Variants in SOX5 observed in about 807,000 individuals in gnomAD.
The protein encoded by SOX5 is SRY-box transcription factor 5.
SOX5 carries 9 observed loss-of-function variants against 92.0 expected under a neutral mutation model. The observed-to-expected ratio is 0.10, with a 90% confidence interval of 0.06 to 0.17. SOX5 has a LOEUF of 0.17. SOX5 is among the 10% of genes least tolerant of loss of function. The pLI, the probability that SOX5 is intolerant of heterozygous loss-of-function variation, is 1.00. For missense variants in SOX5, 642 were observed against 944.5 expected, an observed-to-expected ratio of 0.68 and a Z score of 4.20; for synonymous variants, 344 against 336.3, an observed-to-expected ratio of 1.02 and a Z score of -0.25.
At chr12:24,418,218 TCTC>T (rs1301855438) in intron 1 of SOX5, among the ~76,000 whole-genome samples, 7 of 152,200 alleles carry the variant, frequency 4.6e-5, no homozygotes, top group Non-Finnish European at 8.8e-5. Flanking sequence ...ATTGTGGTTT[TCTC>T]CTCAATATCC....
chr12:23,673,223 T>A (rs2085084259), intron 6 of SOX5, among the ~76,000 whole-genome samples: 1 of 152,168 alleles, frequency 6.6e-6, no homozygotes, highest in Admixed American at 6.5e-5. Flanking sequence ...TAATTCATTA[T>A]TTAAAATTGG....
chr12:23,633,447 T>C (rs1180964026), intron 8 of SOX5, among the ~76,000 whole-genome samples: 1 of 152,078 alleles, frequency 6.6e-6, no homozygotes, highest in East Asian at 1.9e-4. Flanking sequence ...CTTCGTTTTG[T>C]GTAAATAGTG....
At chr12:24,034,070 A>C (rs1461369156) in intron 4 of SOX5, among the ~76,000 whole-genome samples, 1 of 152,084 alleles carries the variant, frequency 6.6e-6, no homozygotes, top group Middle Eastern at 3.2e-3. Context: ...ACTTTAGAGA[A>C]ACATAACTGT....
chr12:24,187,530 T>C (rs762209923), intron 4 of SOX5, among the ~76,000 whole-genome samples: 1 of 152,238 alleles, frequency 6.6e-6, no homozygotes, highest in Non-Finnish European at 1.5e-5. Flanking sequence ...TTGGGCATTG[T>C]GACTTTTCAT....
At chr12:23,711,173 G>A (rs190315041) in intron 6 of SOX5, among the ~76,000 whole-genome samples, 187 of 151,898 alleles carry the variant, frequency 1.2e-3, no homozygotes, top group East Asian at 2.5e-3. Context: ...TGTTTACATC[G>A]GCAATGTGGC....
chr12:24,237,729 CT>C (rs1238969322), intron 3 of SOX5: 1 of 152,022 alleles, frequency 6.6e-6, no homozygotes, highest in Non-Finnish European at 1.5e-5. Flanking sequence ...TATTTAATTA[CT>C]TATTTCATGT....
At chr12:23,598,085 C>T (rs982292559) in intron 9 of SOX5, among the ~76,000 whole-genome samples, 7 of 152,162 alleles carry the variant, frequency 4.6e-5, no homozygotes, top group Non-Finnish European at 7.3e-5. Flanking sequence ...AGAAATACTA[C>T]ATTCACAGAC....
intron 7 of SOX5, among the ~76,000 whole-genome samples, chr12:23,663,796 A>G (rs533480646): frequency 1.7e-3 from 214 of 123,718 alleles, no homozygotes; most frequent in African/African-American, 6.0e-3. Flanking sequence ...CTATTCATAG[A>G]ATTTATTCTT....
chr12:24,334,920 A>G (rs927241859), intron 2 of SOX5, among the ~76,000 whole-genome samples: 3 of 151,942 alleles, frequency 2.0e-5, no homozygotes, highest in Non-Finnish European at 4.4e-5. Flanking sequence ...ATGTAAAAAA[A>G]AAAAATAGAG....
At chr12:24,084,303 G>C (rs1294265429) in intron 4 of SOX5, among the ~76,000 whole-genome samples, 4 of 152,008 alleles carry the variant, frequency 2.6e-5, no homozygotes, top group Non-Finnish European at 5.9e-5. Flanking sequence ...TCAGTAAAAT[G>C]GTTAAGTGAA....
chr12:24,185,757 G>T (rs1955950957), intron 4 of SOX5, among the ~76,000 whole-genome samples: 1 of 152,122 alleles, frequency 6.6e-6, no homozygotes, highest in African/African-American at 2.4e-5. Flanking sequence ...ACTTGAAACA[G>T]TGCCTCATAC....
chr12:23,999,637 T>C (rs965031212), intron 4 of SOX5, among the ~76,000 whole-genome samples: 2 of 152,096 alleles, frequency 1.3e-5, no homozygotes, highest in African/African-American at 4.8e-5. Context: ...AAGAGTCTTT[T>C]ACTTTAAAAA....
At chr12:24,496,547 T>A (rs938363106) in intron 1 of SOX5, among the ~76,000 whole-genome samples, 1 of 152,150 alleles carries the variant, frequency 6.6e-6, no homozygotes, top group African/African-American at 2.4e-5. Context: ...ACTTATGTAA[T>A]GTTACTGGGA....
chr12:23,831,172 T>TA (rs1170445346), intron 3 of SOX5, among the ~76,000 whole-genome samples: 33 of 152,256 alleles, frequency 2.2e-4, no homozygotes, highest in African/African-American at 3.6e-4. Flanking sequence ...ATAATTTCTG[T>TA]AAAAAATACA....
chr12:24,038,702 TC>T (rs1956269802), intron 4 of SOX5, among the ~76,000 whole-genome samples: 1 of 152,256 alleles, frequency 6.6e-6, no homozygotes, highest in African/African-American at 2.4e-5. Flanking sequence ...AGATTTGAGG[TC>T]CCCCTCTCAG....
At chr12:23,535,534 G>A (rs906227373) in intron 14 of SOX5, among the ~76,000 whole-genome samples, 5 of 152,212 alleles carry the variant, frequency 3.3e-5, no homozygotes, top group African/African-American at 4.8e-5. Flanking sequence ...TATTGGAAAG[G>A]ATGAATAGAT....
intron 3 of SOX5, among the ~76,000 whole-genome samples, chr12:23,808,921 AT>A (rs1462424539): frequency 1.3e-5 from 2 of 152,180 alleles, no homozygotes; most frequent in Non-Finnish European, 2.9e-5. Context: ...ACATATTAAC[AT>A]TCAATATTCT....
intron 1 of SOX5, among the ~76,000 whole-genome samples, chr12:24,425,901 C>T (rs1966681576): frequency 6.6e-6 from 1 of 152,190 alleles, no homozygotes; most frequent in African/African-American, 2.4e-5. Context: ...ATTTCCTCAT[C>T]CACATCACCT....
At chr12:23,664,322 C>CATATATATATATATATATAT (rs34331621) in intron 7 of SOX5, among the ~76,000 whole-genome samples, 7 of 149,996 alleles carry the variant, frequency 4.7e-5, no homozygotes, top group African/African-American at 1.7e-4. Flanking sequence ...AATTCATTAA[C>CATATATATATATATATATAT]ATATATATAT....
Sources: allele counts gnomAD v4.1 joint callset (sites outside exome capture counted in the v4.1 genomes callset), GRCh38; gene constraint gnomAD v4.1.1; transcripts MANE v1.5; gene names NCBI Gene and HGNC (gene_info 2026-07-23, HGNC 2026-07-21).